The following ZNF264 variants were observed in gnomAD, a reference collection of about 807,000 sequenced individuals.
The protein encoded by ZNF264 is zinc finger protein 264.
Under a neutral mutation model 11.2 loss-of-function variants are expected in ZNF264, and 11 were observed. The observed-to-expected ratio is 0.98, with a 90% CI of 0.62 to 1.63. The LOEUF is 1.63. ZNF264 is among the 40% of genes most tolerant of loss of function. ZNF264 has a pLI of 0.00. For missense variants in ZNF264, 752 were observed against 768.1 expected (o/e 0.98, Z 0.25); for synonymous variants, 309 against 279.8 (o/e 1.10, Z -1.04).
intron 1 of ZNF264, chr19:57,193,556 C>T (rs2087190430): frequency 1.0e-6 from 1 of 984,622 alleles, no homozygotes; most frequent in Non-Finnish European, 1.2e-6. Flanking sequence ...GCCGTTGTAA[C>T]CATTATTGCT....
intron 3 of ZNF264, among the ~76,000 whole-genome samples, chr19:57,209,481 C>T (rs2087318048): frequency 6.6e-6 from 1 of 152,108 alleles, no homozygotes; most frequent in South Asian, 2.1e-4. Context: ...GTCGAATTGT[C>T]AGTTCGTATT....
At chr19:57,207,747 A>T (rs1330335597) in intron 3 of ZNF264, among the ~76,000 whole-genome samples, 1 of 148,880 alleles carries the variant, frequency 6.7e-6, no homozygotes, top group Non-Finnish European at 1.5e-5. Context: ...GTTTTTTGAG[A>T]TGGAGTTTTG....
chr19:57,192,265 G>A (rs1344446850), intron 1 of ZNF264: 1 of 896,284 alleles, frequency 1.1e-6, no homozygotes, highest in Non-Finnish European at 1.3e-6. Context: ...GGGCAGGGCA[G>A]TAGCAAGCCG....
Position 57,212,543 on chromosome 19 carries a change from C to T in ZNF264, c.1446C>T (p.Pro482=), listed in dbSNP as rs370505783. The change falls in exon 4 of 4, where the codon CCC becomes CCT. Residue 482 remains proline (P), a synonymous_variant. Coordinates refer to ENST00000263095, the MANE Select transcript of ZNF264 (RefSeq NM_003417.5). ...RHFSIHTGEK[P]YECVECGKAF... The stretch of plus-strand genomic sequence containing the variant: ...TCAGCATCCACACTGGAGAGAAGCC[C>T]TATGAGTGCGTGGAGTGTGGAAAGG... 56 of 1,614,060 alleles carry T rather than the reference C, an allele frequency of 3.5e-5. No individual in the cohort carries two copies. Among genetic ancestry groups the T allele is most frequent in the Admixed American group, 2.8e-4 (17 of 60,000 alleles).
Position 57,212,909 on chromosome 19 carries a change from G to T in ZNF264, c.1812G>T (p.Leu604Phe), listed in dbSNP as rs1299512111. The change falls in exon 4 of 4, where the codon TTG becomes TTT. Residue 604 changes from leucine to phenylalanine, a missense_variant. Transcript: ENST00000263095. The part of the protein sequence containing the change: ...FLNVTTEANI[L>F]PEETSSSASD... Reference sequence around the variant, plus strand: ...ATGTAACCACTGAGGCAAATATTTTGCCAGAGGAAACATCTTCCTCTGCAT... The same window carrying T: ...ATGTAACCACTGAGGCAAATATTTTTCCAGAGGAAACATCTTCCTCTGCAT... 6.2e-7 allele frequency: 1 copy of T among 1,614,110 alleles called. No individual in the cohort carries two copies. Among genetic ancestry groups the T allele is most frequent in the Admixed American group, 1.7e-5 (1 of 60,026 alleles).
In ZNF264 at chr19:57,207,697, T is replaced by G. The variant is rs535917389; in HGVS notation, c.256+2205T>G. 2.0e-4 allele frequency among the ~76,000 whole-genome samples: 30 copies of G among 151,266 alleles called. 1 individual carries two copies. Among genetic ancestry groups the G allele is most frequent in the African/African-American group, 6.8e-4 (28 of 41,212 alleles). On this transcript the variant is annotated intron_variant, in intron 3 of 3. Coordinates refer to ENST00000263095, the MANE Select transcript of ZNF264 (RefSeq NM_003417.5). Reference sequence around the variant, plus strand: ...ATTACACCCGGCTAATTTTTGTGGGTTTTTTTGTTTGCTCGCTTGTTTGTT... The same window carrying G: ...ATTACACCCGGCTAATTTTTGTGGGGTTTTTTGTTTGCTCGCTTGTTTGTT...
At chr19:57,211,255 G>A (rs568896669) in intron 3 of ZNF264, 99 bp from the exon 4 acceptor site, 1 of 1,186,904 alleles carries the variant, frequency 8.4e-7, no homozygotes, top group South Asian at 1.7e-5. Flanking sequence ...CAACACAGAG[G>A]CAATATTTTT....
intron 3 of ZNF264, among the ~76,000 whole-genome samples, chr19:57,207,681 G>C (rs780501016): frequency 6.7e-6 from 1 of 149,818 alleles, no homozygotes; most frequent in Admixed American, 6.7e-5. Context: ...CATTACACCC[G>C]GCTAATTTTT....
Position 57,213,444 on chromosome 19 carries a change from A to G in ZNF264, c.*463A>G, listed in dbSNP as rs1367838600. On this transcript the variant is annotated 3_prime_UTR_variant, in exon 4 of 4. Transcript: ENST00000263095. ...ACTTACTCTTGAGAAGCATAACTTT[A>G]TGACAACTTAGGGGGCTTGAGCCAT... 1 of 156,686 alleles carries G rather than the reference A, an allele frequency of 6.4e-6. No homozygotes were observed. Among genetic ancestry groups the G allele is most frequent in the East Asian group, 1.9e-4 (1 of 5,316 alleles). The allele number at this position is 156,686 out of a possible 1,614,324, so 9.7% of individuals were successfully genotyped here.
chr19:57,204,213 G>A lies in ZNF264; in HGVS notation c.161-1184G>A, dbSNP rs531361894. 4.4e-5 allele frequency among the ~76,000 whole-genome samples: 6 copies of A among 137,752 alleles called. No individual in the cohort carries two copies. In the South Asian group the frequency reaches 9.4e-4, roughly 22 times the overall value. The allele number at this position is 137,752 out of a possible 152,430, so 90.4% of individuals were successfully genotyped here. A position where few individuals can be genotyped will look rare whatever the true frequency, so the allele number is the denominator to read the frequency against. On this transcript the variant is annotated intron_variant, in intron 2 of 3. Coordinates refer to ENST00000263095, the MANE Select transcript of ZNF264 (RefSeq NM_003417.5). ...AGCCTGGGCGACAGAGCGAGACTCC[G>A]TCTCAAAAAAAAAAAAAAAAAACTG... is the stretch of plus-strand genomic sequence containing the variant.
At position 57,219,443 on chromosome 19, in the gene ZNF264, A is replaced by G. The variant is rs1421030263; in HGVS notation, c.*6462A>G. The G allele has an allele frequency of 6.6e-6, 1 of 152,266 alleles. No homozygotes were observed. Among genetic ancestry groups the G allele is most frequent in the Non-Finnish European group, 1.5e-5 (1 of 68,130 alleles). The allele number at this position is 152,266 out of a possible 1,614,324, so 9.4% of individuals were successfully genotyped here. A position where few individuals can be genotyped will look rare whatever the true frequency, so the allele number is the denominator to read the frequency against. ...TCTCTGCCCATTTCTTCTGTCTCCC[A>G]CAGACATGGTCTGTGTAGTTGTTCT... On this transcript the variant is annotated 3_prime_UTR_variant, in exon 4 of 4. Transcript: ENST00000263095.
rs565676910 is a variant in ZNF264 at position 57,222,133 on chromosome 19, G to C, written c.*9152G>C. On this transcript the variant is annotated 3_prime_UTR_variant, in exon 4 of 4. Coordinates refer to ENST00000263095, the MANE Select transcript of ZNF264 (RefSeq NM_003417.5). ...GGAGGCTGAGGCGGGTGGATCACTT[G>C]AGGTCAGGAGTTTGAGACCAGCCTA... The C allele has an allele frequency of 2.4e-4, 36 of 152,232 alleles. No homozygotes were observed. The highest frequency in any genetic ancestry group is 1.5e-3 in the Admixed American group (23 of 15,276). 9.4% of individuals were successfully genotyped at this position (152,232 alleles called of 1,614,324 possible). A position where few individuals can be genotyped will look rare whatever the true frequency, so the allele number is the denominator to read the frequency against.
rs576169413 is a variant in ZNF264, at chr19:57,194,482, C to T, written c.160+481C>T. ...AGGACAGTTTATTAAGTAGTAATAA[C>T]TCATGATTACAAGGTCCCACAGTAG... On this transcript the variant is annotated intron_variant, in intron 2 of 3. Transcript: ENST00000263095. Among the ~76,000 whole-genome samples the T allele has an allele frequency of 1.6e-4, 25 of 152,272 alleles. No individual in the cohort carries two copies. The South Asian group carries it at 5.2e-3, about 32-fold the overall frequency.
At chr19:57,192,184 G>T (rs1189065670) in intron 1 of ZNF264, among the ~76,000 whole-genome samples, 2 of 152,106 alleles carry the variant, frequency 1.3e-5, no homozygotes, top group Non-Finnish European at 2.9e-5. Flanking sequence ...CATCATCCTT[G>T]GCCTGCAAGC....
rs2087427706 is a variant in ZNF264, at chr19:57,222,755, C to T, written c.*9774C>T. The T allele has an allele frequency of 6.6e-6, 1 of 152,088 alleles. No homozygotes were observed. Among genetic ancestry groups the T allele is most frequent in the Non-Finnish European group, 1.5e-5 (1 of 68,022 alleles). The allele number at this position is 152,088 out of a possible 1,614,324, so 9.4% of individuals were successfully genotyped here. A position where few individuals can be genotyped will look rare whatever the true frequency, so the allele number is the denominator to read the frequency against. On this transcript the variant is annotated 3_prime_UTR_variant, in exon 4 of 4. Transcript: ENST00000263095. The stretch of plus-strand genomic sequence containing the variant: ...TGCTGCTTTTGAAACTAGTTCATGG[C>T]TTCAGTGGGGGAGAGATTTAAATAA...
rs549978926 is a variant in ZNF264, at chr19:57,215,273, G to A, written c.*2292G>A. The A allele has an allele frequency of 5.9e-5, 9 of 152,224 alleles. No individual in the cohort carries two copies. The highest frequency in any genetic ancestry group is 1.9e-4 in the African/African-American group (8 of 41,554). The allele number at this position is 152,224 out of a possible 1,614,324, so 9.4% of individuals were successfully genotyped here. Reference sequence around the variant, plus strand: ...ACTATTCGAAGTATCTATTTCTTGTGTAATAAATTTTGATAGTCTGTCCTG... The same window carrying A: ...ACTATTCGAAGTATCTATTTCTTGTATAATAAATTTTGATAGTCTGTCCTG... On this transcript the variant is annotated 3_prime_UTR_variant, in exon 4 of 4. Transcript: ENST00000263095.
In ZNF264 at chr19:57,202,360, G is replaced by A. The variant is rs182768665; in HGVS notation, c.161-3037G>A. Among the ~76,000 whole-genome samples, 6 of 152,048 alleles carry A rather than the reference G, an allele frequency of 3.9e-5. No homozygotes were observed. The East Asian group carries it at 1.2e-3, about 29-fold the overall frequency. On this transcript the variant is annotated intron_variant, in intron 2 of 3. Coordinates refer to ENST00000263095, the MANE Select transcript of ZNF264 (RefSeq NM_003417.5). ...GCTGGGCCTCATGGGGATACAGCTGGAAGCACAGGGGAGGAGAAAGCCTTT... is the reference window on the plus strand; with the variant it reads ...GCTGGGCCTCATGGGGATACAGCTGAAAGCACAGGGGAGGAGAAAGCCTTT...
intron 1 of ZNF264, among the ~76,000 whole-genome samples, chr19:57,193,332 CTTTAAA>C (rs1405517849): frequency 5.3e-5 from 8 of 152,194 alleles, no homozygotes; most frequent in Non-Finnish European, 1.2e-4. Context: ...GCATTGAATA[CTTTAAA>C]TTTAACAACT....
chr19:57,191,822 C>T lies in ZNF264; in HGVS notation c.-92C>T. 9.1e-7 allele frequency: 1 copy of T among 1,093,504 alleles called. No homozygotes were observed. The highest frequency in any genetic ancestry group is 1.2e-6 in the Non-Finnish European group (1 of 855,804). 67.7% of individuals were successfully genotyped at this position (1,093,504 alleles called of 1,614,324 possible). A position where few individuals can be genotyped will look rare whatever the true frequency, so the allele number is the denominator to read the frequency against. On this transcript the variant is annotated 5_prime_UTR_variant, in exon 1 of 4. Coordinates refer to ENST00000263095, the MANE Select transcript of ZNF264 (RefSeq NM_003417.5). Reference sequence around the variant, plus strand: ...GGCGGCCCCGAGCGCGCCTGGAAGCCCCGGGCAACCGGCCAGGGTCGGGCA... The same window carrying T: ...GGCGGCCCCGAGCGCGCCTGGAAGCTCCGGGCAACCGGCCAGGGTCGGGCA...
Sources: allele counts gnomAD v4.1 joint callset (sites outside exome capture counted in the v4.1 genomes callset), GRCh38; gene constraint gnomAD v4.1.1; transcripts MANE v1.5; gene names NCBI Gene and HGNC (gene_info 2026-07-23, HGNC 2026-07-21).